FUT9: variants seen among roughly 807,000 people sequenced by gnomAD.
FUT9 encodes the protein fucosyltransferase 9.
A neutral mutation model predicts 29.7 loss-of-function variants in FUT9; 15 were observed. That is an observed-to-expected ratio of 0.51 (90% confidence interval 0.34 to 0.78). The LOEUF (loss-of-function observed/expected upper bound fraction) is 0.78, where lower values mean the gene tolerates loss of function less well. Among genes scored for constraint, FUT9 ranks in the 30% least tolerant of loss-of-function variants. The probability of loss-of-function intolerance (pLI) is 0.01; values close to 1 mark genes in which losing one functional copy is unlikely to be tolerated. For synonymous variants in FUT9, 169 were observed against 153.7 expected (o/e 1.10, Z -0.74); for missense variants, 319 against 425.4 (o/e 0.75, Z 2.20).
intron 1 of FUT9, among the ~76,000 whole-genome samples, chr6:96,037,807 A>C (rs1770389523): frequency 6.6e-6 from 1 of 152,152 alleles, no homozygotes; most frequent in Admixed American, 6.6e-5. Flanking sequence ...ACAAAATGGC[A>C]CAAGCACAAG....
chr6:96,071,059 C>G (rs1035103077), intron 1 of FUT9, among the ~76,000 whole-genome samples: 2 of 152,204 alleles, frequency 1.3e-5, no homozygotes, highest in Admixed American at 6.5e-5. Context: ...AAAACAATCT[C>G]AGTCTATCAA....
intron 1 of FUT9, among the ~76,000 whole-genome samples, chr6:96,039,756 T>C (rs1199883754): frequency 2.0e-5 from 3 of 152,138 alleles, no homozygotes; most frequent in Non-Finnish European, 2.9e-5. Context: ...ACCTTATCTA[T>C]CTTTTTCTTT....
chr6:96,120,591 CTTTTTTTT>C (rs57515226), intron 2 of FUT9, among the ~76,000 whole-genome samples: 6 of 55,312 alleles, frequency 1.1e-4, no homozygotes, highest in East Asian at 1.4e-3. Context: ...GCAAGACCAC[CTTTTTTTT>C]TTTTTTTTTT....
intron 2 of FUT9, among the ~76,000 whole-genome samples, chr6:96,158,593 G>A (rs1393878209): frequency 6.6e-6 from 1 of 151,982 alleles, no homozygotes; most frequent in Non-Finnish European, 1.5e-5. Flanking sequence ...TTGGTGATTC[G>A]AAGGACAGAC....
intron 1 of FUT9, among the ~76,000 whole-genome samples, chr6:96,057,420 C>T (rs1770791131): frequency 1.3e-5 from 2 of 152,146 alleles, no homozygotes; most frequent in Non-Finnish European, 2.9e-5. Flanking sequence ...CAGTAAGCTA[C>T]ATGCTTCAGA....
At chr6:96,144,297 T>C (rs1304080257) in intron 2 of FUT9, among the ~76,000 whole-genome samples, 1 of 151,900 alleles carries the variant, frequency 6.6e-6, no homozygotes, top group Non-Finnish European at 1.5e-5. Flanking sequence ...TAAAGAAGAG[T>C]AGTTATTCAT....
At chr6:96,067,767 G>A (rs1004690650) in intron 1 of FUT9, among the ~76,000 whole-genome samples, 2 of 152,104 alleles carry the variant, frequency 1.3e-5, no homozygotes, top group African/African-American at 4.8e-5. Flanking sequence ...AACCAACTTC[G>A]TGTGGAGACT....
intron 1 of FUT9, among the ~76,000 whole-genome samples, chr6:96,018,175 C>G (rs1186764319): frequency 1.4e-5 from 2 of 147,420 alleles, no homozygotes; most frequent in Non-Finnish European, 2.9e-5. Context: ...TGAGAACATT[C>G]AAAGCTGTTC....
At chr6:96,104,001 G>A (rs943258542) in intron 1 of FUT9, among the ~76,000 whole-genome samples, 2 of 152,068 alleles carry the variant, frequency 1.3e-5, no homozygotes, top group South Asian at 4.1e-4. Flanking sequence ...CACAACAGGC[G>A]GCTAATCTCA....
intron 1 of FUT9, among the ~76,000 whole-genome samples, chr6:96,068,591 T>A (rs934265799): frequency 6.6e-6 from 1 of 152,224 alleles, no homozygotes; most frequent in Admixed American, 6.5e-5. Context: ...TCGCATTGAT[T>A]AGCATCTGAA....
Position 96,179,722 on chromosome 6 carries a change from G to A in FUT9, c.-8-23426G>A, listed in dbSNP as rs558905534. ...CAATAAAAATTAAGAAAATGATAAT[G>A]AGTGAAAATCACTTATTCCCAAAGA... On this transcript the variant is annotated intron_variant, in intron 2 of 2. Transcript: ENST00000302103. Among the ~76,000 whole-genome samples the A allele has an allele frequency of 2.7e-5, 4 of 150,098 alleles. No individual in the cohort carries two copies. In the South Asian group the frequency reaches 8.5e-4, roughly 32 times the overall value.
At chr6:96,058,899 C>T (rs1770824122) in intron 1 of FUT9, among the ~76,000 whole-genome samples, 1 of 152,074 alleles carries the variant, frequency 6.6e-6, no homozygotes, top group African/African-American at 2.4e-5. Context: ...TGCCTAACTA[C>T]AAAAATTTCT....
chr6:96,083,983 T>A (rs1771278914), intron 1 of FUT9, among the ~76,000 whole-genome samples: 1 of 152,002 alleles, frequency 6.6e-6, no homozygotes, highest in Non-Finnish European at 1.5e-5. Flanking sequence ...ACATTCCTTC[T>A]CACATGTCAT....
At chr6:96,042,983 G>C (rs1466115078) in intron 1 of FUT9, among the ~76,000 whole-genome samples, 3 of 152,172 alleles carry the variant, frequency 2.0e-5, no homozygotes, top group Non-Finnish European at 2.9e-5. Context: ...AAATTTTTAT[G>C]AGTGTGGCAA....
chr6:96,102,699 T>A (rs1251580578), intron 1 of FUT9, among the ~76,000 whole-genome samples: 1 of 152,202 alleles, frequency 6.6e-6, no homozygotes, highest in African/African-American at 2.4e-5. Flanking sequence ...AATTTTCTTT[T>A]TTTAATCAGC....
rs148689797 is a variant in FUT9, at chr6:96,203,445, G to A, written c.290G>A (p.Arg97His). The A allele has an allele frequency of 1.1e-5, 18 of 1,607,208 alleles. No homozygotes were observed. Among genetic ancestry groups the A allele is most frequent in the South Asian group, 4.4e-5 (4 of 89,926 alleles). ...NIQGCHLTTD[R>H]SLYNKSHAVL... is the part of the protein sequence containing the mutation. ...CAAGGATGCCATCTCACAACGGACCGTTCACTGTACAACAAATCCCATGCA... is the reference window on the plus strand; with the variant it reads ...CAAGGATGCCATCTCACAACGGACCATTCACTGTACAACAAATCCCATGCA... Residue 97 changes from arginine (R) to histidine (H), a missense_variant, in exon 3 of 3, where the codon CGT (arginine) becomes CAT (histidine). Coordinates refer to ENST00000302103, the MANE Select transcript of FUT9 (RefSeq NM_006581.4).
intron 1 of FUT9, among the ~76,000 whole-genome samples, chr6:96,091,268 GAGA>G (rs1450772391): frequency 1.3e-5 from 2 of 152,010 alleles, no homozygotes; most frequent in African/African-American, 4.8e-5. Context: ...ATTTAACCAT[GAGA>G]AGGTTAAATA....
At chr6:96,167,395 T>C (rs561784671) in intron 2 of FUT9, among the ~76,000 whole-genome samples, 1 of 152,190 alleles carries the variant, frequency 6.6e-6, no homozygotes, top group Non-Finnish European at 1.5e-5. Flanking sequence ...TCATAAGATC[T>C]CCCTCCACTT....
intron 1 of FUT9, among the ~76,000 whole-genome samples, chr6:96,024,264 T>C (rs1485060746): frequency 6.6e-6 from 1 of 151,836 alleles, no homozygotes; most frequent in Non-Finnish European, 1.5e-5. Flanking sequence ...TAGGTGCATA[T>C]GTCATTTGAT....
Sources: allele counts gnomAD v4.1 joint callset (sites outside exome capture counted in the v4.1 genomes callset), GRCh38; gene constraint gnomAD v4.1.1; transcripts MANE v1.5; gene names NCBI Gene and HGNC (gene_info 2026-07-23, HGNC 2026-07-21).